RNF180: variants seen among roughly 807,000 people sequenced by gnomAD.
The protein encoded by RNF180 is ring finger protein 180, also known as E3 ubiquitin-protein ligase RNF180.
Under a neutral mutation model 59.2 loss-of-function variants are expected in RNF180, and 38 were observed. The ratio of observed to expected loss-of-function variants is 0.64; its 90% CI spans 0.50 to 0.84. The LOEUF is 0.84. RNF180 is among the 40% of genes least tolerant of loss of function. RNF180 has a pLI of 0.00. For missense variants in RNF180, 705 were observed against 700.9 expected, an observed-to-expected ratio of 1.01 and a Z score of -0.07; for synonymous variants, 262 against 240.3, an observed-to-expected ratio of 1.09 and a Z score of -0.84.
intron 7 of RNF180, among the ~76,000 whole-genome samples, chr5:64,359,734 G>T (rs1016774939): frequency 2.0e-5 from 3 of 151,586 alleles, no homozygotes; most frequent in African/African-American, 7.3e-5. Flanking sequence ...GAATGGTAAT[G>T]CCTAGGTTTT....
intron 5 of RNF180, among the ~76,000 whole-genome samples, chr5:64,219,050 G>A (rs1378402453): frequency 2.6e-5 from 4 of 152,142 alleles, no homozygotes; most frequent in Admixed American, 2.0e-4. Context: ...GGTGTTGAGA[G>A]CAGAAATCCT....
intron 1 of RNF180, among the ~76,000 whole-genome samples, chr5:64,197,935 C>T (rs957244127): frequency 1.3e-5 from 2 of 151,910 alleles, no homozygotes; most frequent in Non-Finnish European, 2.9e-5. Context: ...TCAAGGTGTT[C>T]CTTATACTAT....
intron 5 of RNF180, among the ~76,000 whole-genome samples, chr5:64,291,416 CTTTTTTTTTTTT>C (rs1207692101): frequency 2.8e-5 from 2 of 71,794 alleles, no homozygotes; most frequent in African/African-American, 6.3e-5. Context: ...AGTATGTTTT[CTTTTTTTTTTTT>C]TTTTTTTTTT....
Position 64,170,750 on chromosome 5 carries a change from G to A in RNF180, c.-1+4797G>A, listed in dbSNP as rs548877789. Among the ~76,000 whole-genome samples, 14 of 152,278 alleles carry A rather than the reference G, an allele frequency of 9.2e-5. 2 individuals carry two copies. Among genetic ancestry groups the A allele is most frequent in the African/African-American group, 3.4e-4 (14 of 41,566 alleles). On this transcript the variant is annotated intron_variant, in intron 1 of 7. Coordinates refer to ENST00000389100, the MANE Select transcript of RNF180 (RefSeq NM_001113561.2). ...AGAAGAGAAGCAGGTGGCATCAGGA[G>A]GTGGTCTTTTATGAGGGAGATGTGA...
Position 64,213,739 on chromosome 5 carries a change from T to C in RNF180, c.413T>C (p.Leu138Ser). 6.2e-7 allele frequency: 1 copy of C among 1,614,190 alleles called. No homozygotes were observed. Among genetic ancestry groups the C allele is most frequent in the South Asian group, 1.1e-5 (1 of 91,088 alleles). Reference sequence around the variant, plus strand: ...CTAATGAGACCATCAGTGAAATACTTGTCACATCCTAGAGTTCAGTCAGGT... The same window carrying C: ...CTAATGAGACCATCAGTGAAATACTCGTCACATCCTAGAGTTCAGTCAGGT... ...GRLMRPSVKY[L>S]SHPRVQSGCD... The change falls in exon 4 of 8, where the codon TTG (leucine) becomes TCG (serine). Residue 138 changes from leucine (L) to serine (S), a missense_variant. Transcript: ENST00000389100.
At chr5:64,238,573 A>G (rs1742591240) in intron 5 of RNF180, among the ~76,000 whole-genome samples, 1 of 152,058 alleles carries the variant, frequency 6.6e-6, no homozygotes. Context: ...GTTTTAATTT[A>G]CATTTCTCTG....
At position 64,237,963 on chromosome 5, in the gene RNF180, T is replaced by A. The variant is rs183022609; in HGVS notation, c.1227+20567T>A. On this transcript the variant is annotated intron_variant, in intron 5 of 7. Transcript: ENST00000389100. ...CTCCCTAGCTATGTGGAACTGTGAG[T>A]TAATTAATCCTCCTTTCTTTACAAA... 1.9e-3 allele frequency among the ~76,000 whole-genome samples: 286 copies of A among 152,232 alleles called. 1 individual carries two copies. The highest frequency in any genetic ancestry group is 2.7e-3 in the East Asian group (14 of 5,184).
chr5:64,346,359 CTTTTTTTTTTTTTT>C (rs1162054033), intron 7 of RNF180, among the ~76,000 whole-genome samples: 1 of 42,954 alleles, frequency 2.3e-5, no homozygotes, highest in African/African-American at 9.3e-5. Context: ...TTCTTTTCTT[CTTTTTTTTTTTTTT>C]TTTTTTTTTT....
chr5:64,306,989 A>T (rs1321442984), intron 5 of RNF180, among the ~76,000 whole-genome samples: 2 of 148,878 alleles, frequency 1.3e-5, no homozygotes, highest in African/African-American at 4.9e-5. Context: ...ATAAAATAAA[A>T]AATAAAAAAA....
chr5:64,189,727 A>G (rs1751042587), intron 1 of RNF180, among the ~76,000 whole-genome samples: 1 of 152,212 alleles, frequency 6.6e-6, no homozygotes, highest in Admixed American at 6.5e-5. Context: ...ATATTGCATA[A>G]TAAATACTGG....
intron 5 of RNF180, among the ~76,000 whole-genome samples, chr5:64,286,225 T>G (rs1344243822): frequency 6.6e-6 from 1 of 152,206 alleles, no homozygotes; most frequent in Non-Finnish European, 1.5e-5. Context: ...CAAGTATGTA[T>G]TTAAGGAAAC....
At chr5:64,194,467 G>A (rs1185101850) in intron 1 of RNF180, among the ~76,000 whole-genome samples, 2 of 152,134 alleles carry the variant, frequency 1.3e-5, no homozygotes, top group Non-Finnish European at 2.9e-5. Context: ...ATAAACATCC[G>A]TGTGCATGTG....
intron 6 of RNF180, among the ~76,000 whole-genome samples, chr5:64,326,593 A>C (rs6870974): frequency 0.45 from 68,007 of 152,002 alleles, 16,586 homozygotes; most frequent in African/African-American, 0.65. Flanking sequence ...AGATGAAAAT[A>C]AGATTCAAAT....
intron 3 of RNF180, 133 bp from the exon 4 acceptor site, chr5:64,213,425 A>G (rs967579934): frequency 6.5e-5 from 48 of 741,572 alleles, no homozygotes; most frequent in Admixed American, 2.2e-4. Context: ...TCAGTCTACT[A>G]ATCAGAAAAC....
intron 1 of RNF180, among the ~76,000 whole-genome samples, chr5:64,190,501 G>A (rs2111998291): frequency 6.6e-6 from 1 of 152,234 alleles, no homozygotes; most frequent in East Asian, 1.9e-4. Flanking sequence ...AAGACTTTTG[G>A]GAGCTGTTGG....
At chr5:64,287,387 A>G (rs756496641) in intron 5 of RNF180, among the ~76,000 whole-genome samples, 3 of 152,216 alleles carry the variant, frequency 2.0e-5, no homozygotes, top group Admixed American at 6.5e-5. Context: ...TCCATTGCCA[A>G]TTAATTCTCA....
At chr5:64,311,427 T>A (rs1315840427) in intron 5 of RNF180, among the ~76,000 whole-genome samples, 1 of 151,916 alleles carries the variant, frequency 6.6e-6, no homozygotes, top group Non-Finnish European at 1.5e-5. Context: ...GTCCTATGGT[T>A]TCCTGCCTCC....
intron 2 of RNF180, among the ~76,000 whole-genome samples, chr5:64,203,662 A>T (rs1253457145): frequency 2.9e-4 from 44 of 152,256 alleles, no homozygotes; most frequent in Non-Finnish European, 7.4e-5. Context: ...CTAAATATAT[A>T]TAAAATACAC....
At chr5:64,177,092 CTG>C (rs1201892837) in intron 1 of RNF180, among the ~76,000 whole-genome samples, 2 of 152,146 alleles carry the variant, frequency 1.3e-5, no homozygotes, top group Non-Finnish European at 2.9e-5. Context: ...AATTCTCAGA[CTG>C]TTTTCTGATG....
Sources: gnomAD v4.1 joint callset for allele counts (sites outside exome capture counted in the v4.1 genomes callset) on GRCh38, gnomAD v4.1.1 for gene constraint, MANE v1.5 for transcripts, NCBI Gene and HGNC (gene_info 2026-07-23, HGNC 2026-07-21) for gene names.